Variants in CNTN6 observed in about 807,000 individuals in gnomAD.
CNTN6 encodes contactin-6.
In CNTN6, 137 loss-of-function variants were observed where a neutral mutation model predicts 122.8. The observed-to-expected ratio is 1.12, with a 90% CI of 0.97 to 1.29. CNTN6 has a LOEUF of 1.29. CNTN6 is among the 50% of genes most tolerant of loss of function. The pLI is 0.00. For synonymous variants in CNTN6, 570 were observed against 426.0 expected, an observed-to-expected ratio of 1.34 and a Z score of -4.16; for missense variants, 1,634 against 1,223.4, an observed-to-expected ratio of 1.34 and a Z score of -5.01.
chr3:1,291,041 T>A (rs1357225494), intron 5 of CNTN6, among the ~76,000 whole-genome samples: 1 of 152,202 alleles, frequency 6.6e-6, no homozygotes, highest in Non-Finnish European at 1.5e-5. Flanking sequence ...GGAGTTGCTC[T>A]GGTTCAAAGG....
chr3:1,190,167 G>GAGAGAGAA (rs2093681321), intron 2 of CNTN6, among the ~76,000 whole-genome samples: 1 of 152,146 alleles, frequency 6.6e-6, no homozygotes. Context: ...AGGAGAAAGG[G>GAGAGAGAA]AGAGAGAAAG....
chr3:1,389,857 T>A (rs1169179365), intron 20 of CNTN6, among the ~76,000 whole-genome samples: 1 of 151,598 alleles, frequency 6.6e-6, no homozygotes, highest in Non-Finnish European at 1.5e-5. Context: ...CAAGAAGAGC[T>A]AACTATCCTA....
Position 1,352,438 on chromosome 3 carries a change from C to A in CNTN6, c.1479C>A (p.Ser493Arg). ...NQFGTAKNTG[S>R]LIVKERTVIT... ...TTGGCACTGCAAAGAACACTGGCAG[C>A]CTCATTGTAAAAGGTATCATATTAT... Residue 493 changes from serine to arginine, a missense_variant, in exon 12 of 23, where the codon AGC becomes AGA. Transcript: ENST00000446702. The A allele has an allele frequency of 6.2e-7, 1 of 1,609,502 alleles. No individual in the cohort carries two copies. Among genetic ancestry groups the A allele is most frequent in the Non-Finnish European group, 8.5e-7 (1 of 1,177,070 alleles).
intron 4 of CNTN6, among the ~76,000 whole-genome samples, chr3:1,269,992 T>G (rs948353137): frequency 5.9e-5 from 9 of 152,328 alleles, no homozygotes; most frequent in African/African-American, 2.2e-4. Context: ...ACTTGGATAT[T>G]AGCATTCCAA....
At chr3:1,328,178 T>C (rs1165647865) in intron 10 of CNTN6, among the ~76,000 whole-genome samples, 5 of 151,818 alleles carry the variant, frequency 3.3e-5, no homozygotes, top group African/African-American at 4.8e-5. Context: ...ATAGTAAACT[T>C]TTTATGTCAT....
At chr3:1,227,268 T>C (rs1204805913) in intron 3 of CNTN6, among the ~76,000 whole-genome samples, 1 of 152,230 alleles carries the variant, frequency 6.6e-6, no homozygotes, top group Non-Finnish European at 1.5e-5. Context: ...CTAAGTACCA[T>C]TGAAATATTT....
In CNTN6 at chr3:1,220,675, T is replaced by C. The variant is rs1354167598; in HGVS notation, c.56-12T>C. The C allele has an allele frequency of 6.3e-7, 1 of 1,596,476 alleles. No individual in the cohort carries two copies. Among genetic ancestry groups the C allele is most frequent in the Admixed American group, 1.8e-5 (1 of 56,036 alleles). On this transcript the variant is annotated splice_polypyrimidine_tract_variant and intron_variant, in intron 2 of 22. Coordinates refer to ENST00000446702, the MANE Select transcript of CNTN6 (RefSeq NM_001289080.2). The stretch of plus-strand genomic sequence containing the variant: ...CTTTTTTTTCATGTGATTTATTCTT[T>C]TCTTTTCCCAGGTGATGGTCTTTTA...
chr3:1,255,417 G>GAAAA (rs34880392), intron 4 of CNTN6, among the ~76,000 whole-genome samples: 2 of 127,536 alleles, frequency 1.6e-5, no homozygotes, highest in Admixed American at 8.0e-5. Context: ...TTTGAAAATG[G>GAAAA]AAAAAAAAAA....
At chr3:1,377,939 A>AT (rs1475152620) in intron 17 of CNTN6, among the ~76,000 whole-genome samples, 1 of 151,982 alleles carries the variant, frequency 6.6e-6, no homozygotes, top group East Asian at 1.9e-4. Context: ...TTTTTAATTT[A>AT]TTTTTTATCT....
chr3:1,352,187 A>G (rs113791290), intron 11 of CNTN6, 137 bp from the exon 12 acceptor site: 1 of 667,714 alleles, frequency 1.5e-6, no homozygotes, highest in Non-Finnish European at 2.3e-6. Context: ...AATGAAGAAC[A>G]GAATAATAGG....
At chr3:1,329,251 A>ATG (rs72285906) in intron 10 of CNTN6, among the ~76,000 whole-genome samples, 12 of 150,780 alleles carry the variant, frequency 8.0e-5, no homozygotes, top group Admixed American at 2.0e-4. Context: ...ATACATGTAT[A>ATG]TGTGTGTGTG....
At chr3:1,372,977 G>T (rs750290101) in intron 14 of CNTN6, 22 bp downstream of exon 14, 182 of 1,339,308 alleles carry the variant, frequency 1.4e-4, no homozygotes, top group Admixed American at 7.4e-4. Context: ...TGGTGAAAAA[G>T]TGATCACATT....
intron 7 of CNTN6, among the ~76,000 whole-genome samples, chr3:1,319,664 A>G (rs376763777): frequency 1.3e-5 from 2 of 151,656 alleles, no homozygotes; most frequent in East Asian, 3.9e-4. Context: ...TGTATTTGTT[A>G]TAAATCTCAG....
intron 11 of CNTN6, among the ~76,000 whole-genome samples, chr3:1,334,133 T>C (rs1170123009): frequency 6.6e-6 from 1 of 152,174 alleles, no homozygotes; most frequent in African/African-American, 2.4e-5. Context: ...AATAGGTAGA[T>C]GGCATTACAG....
chr3:1,241,895 G>A (rs897808904), intron 4 of CNTN6, among the ~76,000 whole-genome samples: 5 of 152,192 alleles, frequency 3.3e-5, no homozygotes, highest in Admixed American at 6.5e-5. Context: ...GCCGCTGCAC[G>A]CAGACATGAG....
chr3:1,374,860 A>G (rs567784317), intron 16 of CNTN6, among the ~76,000 whole-genome samples: 176 of 152,234 alleles, frequency 1.2e-3, no homozygotes, highest in Non-Finnish European at 7.4e-4. Context: ...AGATAATGTT[A>G]TATGTTTATC....
chr3:1,300,078 G>A (rs1351931189), intron 7 of CNTN6, among the ~76,000 whole-genome samples: 6 of 151,934 alleles, frequency 3.9e-5, no homozygotes, highest in African/African-American at 7.3e-5. Flanking sequence ...CCGGGTTCCC[G>A]CCATTCTCCT....
intron 2 of CNTN6, among the ~76,000 whole-genome samples, chr3:1,165,264 G>A (rs1005171373): frequency 2.0e-5 from 3 of 151,978 alleles, no homozygotes; most frequent in African/African-American, 4.8e-5. Context: ...TCTCATTACC[G>A]CTCATCTAGG....
At chr3:1,109,365 T>C (rs1387845705) in intron 1 of CNTN6, among the ~76,000 whole-genome samples, 2 of 152,084 alleles carry the variant, frequency 1.3e-5, no homozygotes, top group Admixed American at 1.3e-4. Context: ...ATTTAGAATA[T>C]AGTTTCTAAT....
Sources: allele counts gnomAD v4.1 joint callset (sites outside exome capture counted in the v4.1 genomes callset), GRCh38; gene constraint gnomAD v4.1.1; transcripts MANE v1.5; gene names NCBI Gene and HGNC (gene_info 2026-07-23, HGNC 2026-07-21).